TPT1: variants seen among roughly 807,000 people sequenced by gnomAD.
TPT1 encodes translationally-controlled tumor protein.
TPT1 carries 5 observed loss-of-function variants against 22.8 expected under a neutral mutation model. The observed-to-expected ratio is 0.22, with a 90% CI of 0.11 to 0.46. The LOEUF (loss-of-function observed/expected upper bound fraction) is 0.46, where lower values mean the gene tolerates loss of function less well. Among genes scored for constraint, TPT1 ranks in the 20% least tolerant of loss-of-function variants. The pLI is 0.99. For synonymous variants in TPT1, 89 were observed against 73.6 expected (o/e 1.21, Z -1.07); for missense variants, 130 against 218.7 (o/e 0.59, Z 2.56).
At chr13:45,337,884 G>A (rs904720138) in intron 5 of TPT1, among the ~76,000 whole-genome samples, 2 of 152,132 alleles carry the variant, frequency 1.3e-5, no homozygotes, top group Non-Finnish European at 2.9e-5. Context: ...TTCCATAGAA[G>A]ACACCAAGTT....
At position 45,334,962 on chromosome 13, in the gene TPT1, A is replaced by G. The variant is rs1225902687; in HGVS notation, c.*2424T>C. 2.6e-5 allele frequency: 4 copies of G among 152,080 alleles called. No individual in the cohort carries two copies. The highest frequency in any genetic ancestry group is 2.9e-5 in the Non-Finnish European group (2 of 68,014). The allele number at this position is 152,080 out of a possible 1,614,324, so 9.4% of individuals were successfully genotyped here. A position where few individuals can be genotyped will look rare whatever the true frequency, so the allele number is the denominator to read the frequency against. On this transcript the variant is annotated 3_prime_UTR_variant, in exon 6 of 6. Coordinates refer to ENST00000530705, the MANE Select transcript of TPT1 (RefSeq NM_003295.4). ...CCACATGGCCTACTTCCACACCTTCATTTGTTTTCAAATGTCACATTACAA... is the reference window on the plus strand; with the variant it reads ...CCACATGGCCTACTTCCACACCTTCGTTTGTTTTCAAATGTCACATTACAA...
chr13:45,340,984 C>A (rs919545783), intron 1 of TPT1, 58 bp downstream of exon 1: 5 of 1,580,324 alleles, frequency 3.2e-6, no homozygotes, highest in Non-Finnish European at 4.3e-6. Flanking sequence ...CTTCCCCGCC[C>A]CCACCCGCAC....
At chr13:45,337,825 A>G (rs1412595487) in intron 5 of TPT1, among the ~76,000 whole-genome samples, 3 of 152,216 alleles carry the variant, frequency 2.0e-5, no homozygotes, top group Non-Finnish European at 4.4e-5. Context: ...AAGCCTATGA[A>G]AACTAGGATA....
chr13:45,339,874 TAATA>T (rs1878965061), intron 3 of TPT1, 116 bp downstream of exon 3: 2 of 1,148,242 alleles, frequency 1.7e-6, no homozygotes, highest in Admixed American at 5.6e-5. Context: ...GTGAACTCAT[TAATA>T]AAAAAGCAAG....
chr13:45,333,517 A>C lies in TPT1; in HGVS notation c.*3869T>G. The C allele has an allele frequency of 6.6e-6, 1 of 152,194 alleles. No homozygotes were observed. The highest frequency in any genetic ancestry group is 1.9e-4 in the East Asian group (1 of 5,202). 9.4% of individuals were successfully genotyped at this position (152,194 alleles called of 1,614,324 possible). On this transcript the variant is annotated 3_prime_UTR_variant, in exon 6 of 6. Transcript: ENST00000530705. ...GGTTGAGATTTATTGCTCGTCTTGCAATTTTACCATAATTATCACCAGTTT... is the reference window on the plus strand; with the variant it reads ...GGTTGAGATTTATTGCTCGTCTTGCCATTTTACCATAATTATCACCAGTTT...
At position 45,341,180 on chromosome 13, in the gene TPT1, A is replaced by AT; in HGVS notation, c.-112_-111insA. ...TCGGGGGGAGGGGGGAGCGGGCGGA[A>AT]AAGGCCGACTCAGCCGCTCCCCAAC... On this transcript the variant is annotated 5_prime_UTR_variant, in exon 1 of 6. Transcript: ENST00000530705. 1 of 1,441,994 alleles carries AT rather than the reference A, an allele frequency of 6.9e-7. No individual in the cohort carries two copies. The highest frequency in any genetic ancestry group is 1.2e-5 in the South Asian group (1 of 83,456). The allele number at this position is 1,441,994 out of a possible 1,614,324, so 89.3% of individuals were successfully genotyped here.
At chr13:45,339,423 G>A in intron 4 of TPT1, 74 bp downstream of exon 4, 2 of 1,362,924 alleles carry the variant, frequency 1.5e-6, no homozygotes, top group Admixed American at 1.9e-5. Flanking sequence ...TAGAATTGAA[G>A]ATTAATCAAC....
rs780566697 is a variant in TPT1 at position 45,337,483 on chromosome 13, T to C, written c.517-95A>G. Reference sequence around the variant, plus strand: ...GCAGCCTACATTTCCAGGCTAAAGATGTATTCCCCAATTCAATCTGGGCCG... The same window carrying C: ...GCAGCCTACATTTCCAGGCTAAAGACGTATTCCCCAATTCAATCTGGGCCG... On this transcript the variant is annotated intron_variant, in intron 5 of 5. Coordinates refer to ENST00000530705, the MANE Select transcript of TPT1 (RefSeq NM_003295.4). 6 of 1,614,138 alleles carry C rather than the reference T, an allele frequency of 3.7e-6. No homozygotes were observed. In the East Asian group the frequency reaches 1.3e-4, roughly 36 times the overall value.
intron 1 of TPT1, 36 bp downstream of exon 1, chr13:45,341,006 G>A (rs749804530): frequency 3.5e-5 from 55 of 1,593,786 alleles, no homozygotes; most frequent in African/African-American, 4.0e-5. Context: ...CCAGACCCCC[G>A]TGTGCGGCAG....
chr13:45,337,472 C>A, intron 5 of TPT1, 84 bp from the exon 6 acceptor site: 6 of 1,613,982 alleles, frequency 3.7e-6, no homozygotes, highest in Non-Finnish European at 5.1e-6. Flanking sequence ...CCTACATTTC[C>A]AGGCTAAAGA....
In TPT1 at chr13:45,335,456, C is replaced by G. The variant is rs1480900970; in HGVS notation, c.*1930G>C. On this transcript the variant is annotated 3_prime_UTR_variant, in exon 6 of 6. Transcript: ENST00000530705. ...TGAATTGCTACTTGTCTGTTTCAGG[C>G]TTCCAAGGCTAGTTCACCAATTAGC... 1 of 152,216 alleles carries G rather than the reference C, an allele frequency of 6.6e-6. No homozygotes were observed. The highest frequency in any genetic ancestry group is 1.5e-5 in the Non-Finnish European group (1 of 68,048). The allele number at this position is 152,216 out of a possible 1,614,324, so 9.4% of individuals were successfully genotyped here.
intron 5 of TPT1, 145 bp downstream of exon 5, chr13:45,338,515 A>G: frequency 3.5e-6 from 5 of 1,423,804 alleles, no homozygotes; most frequent in Non-Finnish European, 4.6e-6. Flanking sequence ...CATATGAAAC[A>G]CAATTCTCTT....
At chr13:45,340,537 G>A (rs1242983271) in intron 2 of TPT1, 175 bp downstream of exon 2, 1 of 846,226 alleles carries the variant, frequency 1.2e-6, no homozygotes, top group Non-Finnish European at 1.9e-6. Flanking sequence ...CGAGGCGGCG[G>A]GCCTATTTCC....
At position 45,338,688 on chromosome 13, in the gene TPT1, A is replaced by C. The variant is rs1402414288; in HGVS notation, c.488T>G (p.Phe163Cys). Reference protein sequence around the residue: ...EDGVTPYMIFFKDGLEMEKC With the variant: ...EDGVTPYMIFCKDGLEMEKC ...TTTTTCCATTTCTAAACCATCCTTA[A>C]AGAAAATCATATATGGGGTCACACC... The change falls in exon 5 of 6, where the codon TTT (phenylalanine) becomes TGT (cysteine). Residue 163 changes from phenylalanine (F) to cysteine (C), a missense_variant. Coordinates refer to ENST00000530705, the MANE Select transcript of TPT1 (RefSeq NM_003295.4). 1 of 1,613,574 alleles carries C rather than the reference A, an allele frequency of 6.2e-7. No individual in the cohort carries two copies.
At chr13:45,337,629 CG>C in intron 5 of TPT1, 1 of 1,501,580 alleles carries the variant, frequency 6.7e-7, no homozygotes, top group East Asian at 2.3e-5. Flanking sequence ...ACCAAATCAG[CG>C]GTAGCTCATT....
Position 45,338,454 on chromosome 13 carries a change from C to T in TPT1, c.516+206G>A, listed in dbSNP as rs185002674. The T allele has an allele frequency of 1.6e-4, 166 of 1,051,792 alleles. No individual in the cohort carries two copies. The African/African-American group carries it at 2.0e-3, about 12-fold the overall frequency. The allele number at this position is 1,051,792 out of a possible 1,614,324, so 65.2% of individuals were successfully genotyped here. On this transcript the variant is annotated intron_variant, in intron 5 of 5. Coordinates refer to ENST00000530705, the MANE Select transcript of TPT1 (RefSeq NM_003295.4). The stretch of plus-strand genomic sequence containing the variant: ...TTTATTATGCCCCATCTGCACTCAA[C>T]GTTTTCCACAAATAAGATTCTAAGC...
chr13:45,338,641 C>T lies in TPT1; in HGVS notation c.516+19G>A, dbSNP rs1222311538. On this transcript the variant is annotated intron_variant, in intron 5 of 5. Transcript: ENST00000530705. ...GTCTTTTTTACATTATTTATTTTAA[C>T]CCACTTCCTTGTACTTACACATTTT... 23 of 1,604,304 alleles carry T rather than the reference C, an allele frequency of 1.4e-5. No individual in the cohort carries two copies. The highest frequency in any genetic ancestry group is 2.0e-5 in the Non-Finnish European group (23 of 1,177,586).
chr13:45,340,362 T>C (rs748938966), intron 2 of TPT1, 178 bp from the exon 3 acceptor site: 1 of 956,678 alleles, frequency 1.0e-6, no homozygotes, highest in Non-Finnish European at 1.6e-6. Flanking sequence ...TTAAAAGAGT[T>C]GTCTGTTGGC....
intron 5 of TPT1, chr13:45,338,281 G>A (rs779200277): frequency 4.6e-6 from 1 of 217,516 alleles, no homozygotes; most frequent in Non-Finnish European, 9.0e-6. Flanking sequence ...TGCCATGCCT[G>A]GCTAATTTTT....
Sources: gnomAD v4.1 joint callset for allele counts (sites outside exome capture counted in the v4.1 genomes callset) on GRCh38, gnomAD v4.1.1 for gene constraint, MANE v1.5 for transcripts, NCBI Gene and HGNC (gene_info 2026-07-23, HGNC 2026-07-21) for gene names.